VWF: variants seen among roughly 807,000 people sequenced by gnomAD.
VWF encodes von Willebrand factor.
Under a neutral mutation model 308.6 loss-of-function variants are expected in VWF, and 176 were observed. That is an observed-to-expected ratio of 0.57 (90% CI 0.50 to 0.65). The LOEUF is 0.65. VWF is among the 30% of genes least tolerant of loss of function. VWF has a pLI of 0.00. For synonymous variants in VWF, 1,385 were observed against 1,443.4 expected, an observed-to-expected ratio of 0.96 and a Z score of 0.92; for missense variants, 3,146 against 3,648.2, an observed-to-expected ratio of 0.86 and a Z score of 3.55.
At chr12:6,013,971 A>C (rs946257222) in intron 31 of VWF, among the ~76,000 whole-genome samples, 6 of 152,150 alleles carry the variant, frequency 3.9e-5, no homozygotes, top group African/African-American at 1.4e-4. Flanking sequence ...TAGGAAAAAA[A>C]CAAAATGAGA....
At chr12:6,006,843 G>A (rs939888752) in intron 34 of VWF, among the ~76,000 whole-genome samples, 2 of 152,158 alleles carry the variant, frequency 1.3e-5, no homozygotes, top group East Asian at 3.8e-4. Context: ...GTCTACAAGA[G>A]AGAGACTCAC....
chr12:5,960,332 G>GT (rs921639106), intron 47 of VWF, among the ~76,000 whole-genome samples: 1 of 151,846 alleles, frequency 6.6e-6, no homozygotes, highest in South Asian at 2.1e-4. Context: ...TAGAAAATCC[G>GT]TTTTTTTATT....
intron 31 of VWF, 119 bp downstream of exon 31, chr12:6,015,970 G>C: frequency 7.8e-7 from 1 of 1,287,144 alleles, no homozygotes; most frequent in Non-Finnish European, 1.1e-6. Flanking sequence ...ACAGAGGTTG[G>C]TATTGAGCAT....
At position 6,060,351 on chromosome 12, in the gene VWF, G is replaced by A. The variant is rs1299699097; in HGVS notation, c.1534-2307C>T. 2.0e-5 allele frequency among the ~76,000 whole-genome samples: 3 copies of A among 152,058 alleles called. No homozygotes were observed. Among genetic ancestry groups the A allele is most frequent in the South Asian group, 2.1e-4 (1 of 4,826 alleles). On this transcript the variant is annotated intron_variant, in intron 13 of 51. Coordinates refer to ENST00000261405, the MANE Select transcript of VWF (RefSeq NM_000552.5). The surrounding 1 kb of genome is among the most constrained non-coding windows in gnomAD (Gnocchi z 5.1). Reference sequence around the variant, plus strand: ...ACCGCCAGCCCCACGGGGACAAAGCGTACATAACACACCCAGGGGAAGGAG... The same window carrying A: ...ACCGCCAGCCCCACGGGGACAAAGCATACATAACACACCCAGGGGAAGGAG...
chr12:6,016,069 A>G lies in VWF; in HGVS notation c.5455+20T>C. 6.2e-7 allele frequency: 1 copy of G among 1,613,910 alleles called. No homozygotes were observed. On this transcript the variant is annotated intron_variant, in intron 31 of 51. Transcript: ENST00000261405. ...GAAGTCTCGCTCTCCTGAATTGAGGACTGTACACCAGATTCTTACTGTTGG... is the reference window on the plus strand; with the variant it reads ...GAAGTCTCGCTCTCCTGAATTGAGGGCTGTACACCAGATTCTTACTGTTGG...
At position 5,949,808 on chromosome 12, in the gene VWF, T is replaced by C; in HGVS notation, c.8231A>G (p.Glu2744Gly). 6.2e-7 allele frequency: 1 copy of C among 1,614,040 alleles called. No individual in the cohort carries two copies. Among genetic ancestry groups the C allele is most frequent in the Non-Finnish European group, 8.5e-7 (1 of 1,179,908 alleles). ...TACCTGGCAGTAGTGGATATCCACC[T>C]CTACTTCAGACTTACAGCTTCCCAC... Reference protein sequence around the residue: ...VKVGSCKSEVEVDIHYCQGKC... With the variant: ...VKVGSCKSEVGVDIHYCQGKC... The change falls in exon 51 of 52, where the codon GAG becomes GGG. Residue 2744 changes from glutamate (E) to glycine (G), a missense_variant. This residue lies in a region of VWF where 989 missense variants were observed against 1,117.4 expected (regional missense o/e 0.89). Coordinates refer to ENST00000261405, the MANE Select transcript of VWF (RefSeq NM_000552.5).
chr12:5,971,598 C>T lies in VWF; in HGVS notation c.7548+1G>A, dbSNP rs747482652. On this transcript the variant is annotated splice_donor_variant, in intron 44 of 51. Transcript: ENST00000261405. LOFTEE classifies it high-confidence loss of function. The stretch of plus-strand genomic sequence containing the variant: ...TCCCCGTCCCGGGGGCCTGGACCTA[C>T]ACTCTTCCAGGAAGACTGGGAGTCC... 3 of 1,613,594 alleles carry T rather than the reference C, an allele frequency of 1.9e-6. No homozygotes were observed. In the African/African-American group the frequency reaches 4.0e-5, roughly 22 times the overall value.
intron 3 of VWF, among the ~76,000 whole-genome samples, chr12:6,117,322 A>G (rs1430974510): frequency 1.3e-5 from 2 of 152,216 alleles, no homozygotes; most frequent in African/African-American, 2.4e-5. Context: ...GAAACCCAGA[A>G]AACGGTGGCC....
At position 6,019,210 on chromosome 12, in the gene VWF, C is replaced by A; in HGVS notation, c.4208G>T (p.Gly1403Val). ...CACAATGACCTTCTTCTTCTTCAGG[C>A]CCTGGACGTAGCGGACAAAGTTCCG... is the stretch of plus-strand genomic sequence containing the variant. ...MSRNFVRYVQ[G>V]LKKKKVIVIP... The change falls in exon 28 of 52, where the codon GGC becomes GTC. Residue 1403 changes from glycine (G) to valine (V), a missense_variant. Physicochemically the swap from Gly to Val is moderately radical, Grantham distance 109. Around this residue, in one of 3 missense-constraint regions of VWF, gnomAD observed 853 missense variants for 1,177.8 expected, o/e 0.72. Coordinates refer to ENST00000261405, the MANE Select transcript of VWF (RefSeq NM_000552.5). The surrounding 1 kb of genome is among the most constrained non-coding windows in gnomAD (Gnocchi z 5.8). 2 of 1,613,946 alleles carry A rather than the reference C, an allele frequency of 1.2e-6. No individual in the cohort carries two copies. Among genetic ancestry groups the A allele is most frequent in the Non-Finnish European group, 8.5e-7 (1 of 1,179,874 alleles).
intron 5 of VWF, among the ~76,000 whole-genome samples, chr12:6,100,636 G>A (rs1007286512): frequency 6.6e-6 from 1 of 152,096 alleles, no homozygotes; most frequent in African/African-American, 2.4e-5. Flanking sequence ...GTAAACTATT[G>A]CAAGGACAAA....
At chr12:6,116,635 G>A (rs908343073) in intron 3 of VWF, among the ~76,000 whole-genome samples, 8 of 152,112 alleles carry the variant, frequency 5.3e-5, no homozygotes, top group African/African-American at 7.2e-5. Flanking sequence ...CAGTCTCTAC[G>A]GAGGAGCAGG....
In VWF at chr12:6,087,376, T is replaced by TTTTG. The variant is rs1565384403; in HGVS notation, c.657+8083_657+8084insCAAA. 3.1e-5 allele frequency among the ~76,000 whole-genome samples: 4 copies of TTTTG among 129,316 alleles called. 1 individual carries two copies. The highest frequency in any genetic ancestry group is 5.3e-5 in the Non-Finnish European group (3 of 56,996). 84.8% of individuals were successfully genotyped at this position (129,316 alleles called of 152,430 possible). On this transcript the variant is annotated intron_variant, in intron 6 of 51. Coordinates refer to ENST00000261405, the MANE Select transcript of VWF (RefSeq NM_000552.5). ...ACTCTTTTTTTTTTTTTTTTTTTTT[T>TTTTG]GAGACAGAGTCTCACCCTGTCGCCC...
chr12:6,092,612 AGTGAGAGTGT>A (rs1480073526), intron 6 of VWF, among the ~76,000 whole-genome samples: 3 of 70,432 alleles, frequency 4.3e-5, no homozygotes, highest in Non-Finnish European at 8.2e-5. Flanking sequence ...TTAGTGAGTG[AGTGAGAGTGT>A]GTGTGTGTGT....
At position 5,981,659 on chromosome 12, in the gene VWF, T is replaced by C. The variant is rs216866; in HGVS notation, c.7287+127A>G. 225,800 of 1,081,790 alleles carry C rather than the reference T, an allele frequency of 0.21. 25,468 individuals carry two copies. Among genetic ancestry groups the C allele is most frequent in the South Asian group, 0.24 (18,174 of 77,108 alleles). The allele number at this position is 1,081,790 out of a possible 1,614,324, so 67.0% of individuals were successfully genotyped here. On this transcript the variant is annotated intron_variant, in intron 42 of 51. Coordinates refer to ENST00000261405, the MANE Select transcript of VWF (RefSeq NM_000552.5). ...ATGCAAATCTTCCATGAGGAGCACA[T>C]GTTGCTTAGCAAATATTGGATGGGT...
At position 6,058,430 on chromosome 12, in the gene VWF, C is replaced by T. The variant is rs1023065187; in HGVS notation, c.1534-386G>A. ...AGCCCGAAGCACTCTGCCCTCTGTG[C>T]CATCCACACCAGTGGGCCTGACCCC... On this transcript the variant is annotated intron_variant, in intron 13 of 51. Transcript: ENST00000261405. This position sits in a 1 kb window ranked among gnomAD's most constrained non-coding sequence, Gnocchi z 4.9. Among the ~76,000 whole-genome samples, 1 of 152,172 alleles carries T rather than the reference C, an allele frequency of 6.6e-6. No individual in the cohort carries two copies. The highest frequency in any genetic ancestry group is 1.5e-5 in the Non-Finnish European group (1 of 68,036).
chr12:5,950,004 G>A (rs1591827265), intron 50 of VWF, 121 bp from the exon 51 acceptor site: 1 of 827,378 alleles, frequency 1.2e-6, no homozygotes, highest in East Asian at 2.5e-5. Context: ...AATAAAGCCA[G>A]CCACAGGGAG....
At chr12:6,043,802 A>G (rs1214481611) in intron 18 of VWF, among the ~76,000 whole-genome samples, 1 of 152,234 alleles carries the variant, frequency 6.6e-6, no homozygotes, top group Non-Finnish European at 1.5e-5. Context: ...AACAAGTTTC[A>G]TTGTGGGGAA....
chr12:6,072,298 G>T, intron 9 of VWF, 33 bp downstream of exon 9: 1 of 1,602,564 alleles, frequency 6.2e-7, no homozygotes, highest in South Asian at 1.1e-5. Flanking sequence ...CCCCAGGCAG[G>T]TCTCCCAGAG....
intron 47 of VWF, among the ~76,000 whole-genome samples, chr12:5,959,265 T>C (rs553564470): frequency 6.6e-6 from 1 of 152,080 alleles, no homozygotes; most frequent in Non-Finnish European, 1.5e-5. Flanking sequence ...AAGAATAGAT[T>C]CATCAAGACA....
Sources: allele counts gnomAD v4.1 joint callset (sites outside exome capture counted in the v4.1 genomes callset), GRCh38; gene constraint gnomAD v4.1.1; regional missense constraint gnomAD v4.1.1; non-coding constraint Gnocchi (gnomAD v3.1); transcripts MANE v1.5; gene names NCBI Gene and HGNC (gene_info 2026-07-23, HGNC 2026-07-21).